The following SLC10A7 variants were observed in gnomAD, a reference collection of about 807,000 sequenced individuals.
SLC10A7 encodes solute carrier family 10 member 7.
Under a neutral mutation model 43.2 loss-of-function variants are expected in SLC10A7, and 29 were observed. That is an observed-to-expected ratio of 0.67 (90% CI 0.50 to 0.92). The LOEUF is 0.92. Ranked by LOEUF, SLC10A7 falls within the 40% of genes least tolerant of loss-of-function variation. SLC10A7 has a pLI of 0.00. For missense variants in SLC10A7, 295 were observed against 403.2 expected, an observed-to-expected ratio of 0.73 and a Z score of 2.30; for synonymous variants, 152 against 144.8, an observed-to-expected ratio of 1.05 and a Z score of -0.35.
At chr4:146,318,575 T>G (rs1190302805) in intron 6 of SLC10A7, among the ~76,000 whole-genome samples, 1 of 152,054 alleles carries the variant, frequency 6.6e-6, no homozygotes, top group Non-Finnish European at 1.5e-5. Context: ...TCTTTATTAT[T>G]GCTTTCTTCC....
chr4:146,278,425 TTA>T (rs778753130), intron 10 of SLC10A7, among the ~76,000 whole-genome samples: 76 of 152,158 alleles, frequency 5.0e-4, no homozygotes, highest in Non-Finnish European at 8.8e-4. Flanking sequence ...GACTCAAATG[TTA>T]TTAAATGAGA....
intron 4 of SLC10A7, among the ~76,000 whole-genome samples, chr4:146,491,694 AGG>A (rs1735444310): frequency 8.6e-6 from 1 of 116,030 alleles, no homozygotes; most frequent in Non-Finnish European, 1.8e-5. Flanking sequence ...GAAGGAAGGA[AGG>A]AAGGAAGGAA....
At chr4:146,285,822 GTTTGGAGTGGTGAAAAGGACTGAA>G (rs1560762579) in intron 9 of SLC10A7, among the ~76,000 whole-genome samples, 1 of 152,032 alleles carries the variant, frequency 6.6e-6, no homozygotes, top group Admixed American at 6.6e-5. Context: ...GAAAGACTGT[GTTTGGAGTGGTGAAAAGGACTGAA>G]TTTGGAGTGG....
At chr4:146,501,574 C>T (rs528948201) in intron 4 of SLC10A7, among the ~76,000 whole-genome samples, 24 of 152,138 alleles carry the variant, frequency 1.6e-4, no homozygotes, top group Non-Finnish European at 4.4e-5. Context: ...GGGGGTAGAC[C>T]TACAAGACAG....
At chr4:146,296,816 G>A (rs1171567056) in intron 7 of SLC10A7, among the ~76,000 whole-genome samples, 1 of 152,136 alleles carries the variant, frequency 6.6e-6, no homozygotes, top group African/African-American at 2.4e-5. Flanking sequence ...GGGTGAAGTA[G>A]TGTTGACATG....
At chr4:146,329,458 T>C (rs1326071864) in intron 5 of SLC10A7, among the ~76,000 whole-genome samples, 2 of 152,184 alleles carry the variant, frequency 1.3e-5, no homozygotes, top group African/African-American at 4.8e-5. Context: ...CTCTCTGACA[T>C]AGGTACTATT....
chr4:146,400,172 T>C (rs1739129291), intron 5 of SLC10A7, among the ~76,000 whole-genome samples: 1 of 152,140 alleles, frequency 6.6e-6, no homozygotes, highest in African/African-American at 2.4e-5. Context: ...AAGTGATCAA[T>C]ATTGTCTACT....
intron 5 of SLC10A7, 24 bp from the exon 6 acceptor site, chr4:146,326,020 G>T: frequency 6.2e-7 from 1 of 1,606,836 alleles, no homozygotes; most frequent in South Asian, 1.1e-5. Context: ...AAGAGAGGAT[G>T]ATCATTTATC....
chr4:146,317,698 T>A (rs1376517327), intron 6 of SLC10A7, among the ~76,000 whole-genome samples: 1 of 151,994 alleles, frequency 6.6e-6, no homozygotes, highest in African/African-American at 2.4e-5. Flanking sequence ...AATTTACTCC[T>A]GTCTTGAGCT....
chr4:146,459,451 TGTG>T (rs1458903187), intron 4 of SLC10A7, among the ~76,000 whole-genome samples: 1 of 151,732 alleles, frequency 6.6e-6, no homozygotes, highest in African/African-American at 2.4e-5. Context: ...ATCAAGATAA[TGTG>T]GTACTGGCTT....
At chr4:146,349,894 T>A (rs1373760905) in intron 5 of SLC10A7, among the ~76,000 whole-genome samples, 1 of 152,160 alleles carries the variant, frequency 6.6e-6, no homozygotes, top group African/African-American at 2.4e-5. Flanking sequence ...ATGCTCACTA[T>A]CTGGGTAATG....
At chr4:146,415,496 T>C (rs2149838781) in intron 5 of SLC10A7, among the ~76,000 whole-genome samples, 1 of 152,304 alleles carries the variant, frequency 6.6e-6, no homozygotes, top group South Asian at 2.1e-4. Context: ...TAGTTGCTAT[T>C]ATATTCTTAT....
At chr4:146,459,884 A>T (rs192585509) in intron 4 of SLC10A7, among the ~76,000 whole-genome samples, 2 of 152,038 alleles carry the variant, frequency 1.3e-5, no homozygotes, top group East Asian at 3.9e-4. Context: ...AAAATGAAAA[A>T]GCAAACAGAC....
chr4:146,466,756 G>C (rs1424403037), intron 4 of SLC10A7, among the ~76,000 whole-genome samples: 1 of 152,104 alleles, frequency 6.6e-6, no homozygotes, highest in African/African-American at 2.4e-5. Flanking sequence ...AGATACAAAA[G>C]ATAAGGCTCA....
At chr4:146,500,169 T>C (rs1172122432) in intron 4 of SLC10A7, among the ~76,000 whole-genome samples, 2 of 152,172 alleles carry the variant, frequency 1.3e-5, no homozygotes, top group Admixed American at 6.5e-5. Flanking sequence ...CCAATTTCAT[T>C]CCTACACTAA....
At chr4:146,285,943 T>C (rs954073911) in intron 9 of SLC10A7, among the ~76,000 whole-genome samples, 2 of 150,156 alleles carry the variant, frequency 1.3e-5, no homozygotes, top group Admixed American at 1.3e-4. Flanking sequence ...AAGGACTGTG[T>C]TTTGAGTGGT....
At chr4:146,279,960 A>G (rs552036979) in intron 10 of SLC10A7, among the ~76,000 whole-genome samples, 8 of 152,326 alleles carry the variant, frequency 5.3e-5, no homozygotes, top group Non-Finnish European at 8.8e-5. Flanking sequence ...AGAGATCGAG[A>G]TAGGGCAAAA....
chr4:146,293,561 T>C (rs1176525305), intron 8 of SLC10A7, among the ~76,000 whole-genome samples: 1 of 152,180 alleles, frequency 6.6e-6, no homozygotes, highest in African/African-American at 2.4e-5. Flanking sequence ...GTATCATATA[T>C]TATACATCCT....
At chr4:146,350,399 T>G (rs756677601) in intron 5 of SLC10A7, among the ~76,000 whole-genome samples, 68,613 of 142,062 alleles carry the variant, frequency 0.48, 17,242 homozygotes, top group East Asian at 0.63. Flanking sequence ...GGAATCTCGC[T>G]GATTGCTAGC....
Sources: gnomAD v4.1 joint callset for allele counts (sites outside exome capture counted in the v4.1 genomes callset) on GRCh38, gnomAD v4.1.1 for gene constraint, MANE v1.5 for transcripts, NCBI Gene and HGNC (gene_info 2026-07-23, HGNC 2026-07-21) for gene names.